The following FGF12 variants were observed in gnomAD, a reference collection of about 807,000 sequenced individuals.
FGF12 encodes fibroblast growth factor 12, also known as fibroblast growth factor 12B.
Under a neutral mutation model 23.6 loss-of-function variants are expected in FGF12, and 14 were observed. The ratio of observed to expected loss-of-function variants is 0.59; its 90% CI spans 0.39 to 0.93. The LOEUF (loss-of-function observed/expected upper bound fraction) is 0.93, where lower values mean the gene tolerates loss of function less well. Among genes scored for constraint, FGF12 ranks in the 40% least tolerant of loss-of-function variants. The pLI is 0.00. For synonymous variants in FGF12, 62 were observed against 77.3 expected (o/e 0.80, Z 1.04); for missense variants, 175 against 217.8 (o/e 0.80, Z 1.24).
chr3:192,598,898 G>A (rs915612152), intron 2 of FGF12, among the ~76,000 whole-genome samples: 5 of 152,064 alleles, frequency 3.3e-5, no homozygotes, highest in African/African-American at 1.2e-4. Flanking sequence ...CAAAGAAAAC[G>A]TGGCACATAT....
At chr3:192,512,531 A>G (rs1724511417) in intron 2 of FGF12, among the ~76,000 whole-genome samples, 1 of 152,046 alleles carries the variant, frequency 6.6e-6, no homozygotes, top group African/African-American at 2.4e-5. Context: ...TTAGGTAGGT[A>G]CCATTATTAT....
intron 4 of FGF12, among the ~76,000 whole-genome samples, chr3:192,222,554 G>A (rs1031092911): frequency 2.6e-5 from 4 of 152,046 alleles, no homozygotes; most frequent in African/African-American, 4.8e-5. Flanking sequence ...TGTTCTTTAG[G>A]AAGCTCAGTT....
intron 2 of FGF12, among the ~76,000 whole-genome samples, chr3:192,703,598 C>A (rs574939987): frequency 6.6e-6 from 1 of 152,260 alleles, no homozygotes. Context: ...AGCATTTTAC[C>A]CACAGTAGAA....
intron 2 of FGF12, among the ~76,000 whole-genome samples, chr3:192,709,167 C>T (rs2108737152): frequency 6.6e-6 from 1 of 152,284 alleles, no homozygotes; most frequent in Admixed American, 6.5e-5. Flanking sequence ...AAGCTTCATC[C>T]AGACAACTAT....
chr3:192,247,032 A>AGAAGGAAG (rs71177355), intron 4 of FGF12, among the ~76,000 whole-genome samples: 121 of 86,386 alleles, frequency 1.4e-3, no homozygotes, highest in African/African-American at 2.4e-3. Context: ...AGGGAAGGAA[A>AGAAGGAAG]GAAGGAAGGA....
chr3:192,268,308 C>T (rs1393158188), intron 4 of FGF12, among the ~76,000 whole-genome samples: 1 of 152,082 alleles, frequency 6.6e-6, no homozygotes, highest in Non-Finnish European at 1.5e-5. Flanking sequence ...GCTGTGGTGG[C>T]CTTTATCTAA....
At chr3:192,463,367 C>T (rs1722917316) in intron 2 of FGF12, among the ~76,000 whole-genome samples, 1 of 152,032 alleles carries the variant, frequency 6.6e-6, no homozygotes, top group South Asian at 2.1e-4. Flanking sequence ...TTGCAGTGAG[C>T]TGAGGTTGCA....
At chr3:192,527,350 GA>G (rs1724968570) in intron 2 of FGF12, among the ~76,000 whole-genome samples, 1 of 152,190 alleles carries the variant, frequency 6.6e-6, no homozygotes, top group Admixed American at 6.5e-5. Flanking sequence ...ACTAGTTTAG[GA>G]TAAAGATCCT....
intron 5 of FGF12, among the ~76,000 whole-genome samples, chr3:192,152,772 G>GA (rs1254119551): frequency 1.8e-5 from 2 of 113,340 alleles, no homozygotes; most frequent in Admixed American, 1.0e-4. Context: ...GTGTGGTGCT[G>GA]AAAAAAATGT....
rs1467904723 is a variant in FGF12, at chr3:192,141,975, T to C, written c.*2034A>G. The stretch of plus-strand genomic sequence containing the variant: ...AGTGACAGGTGTATTTATAATCAAG[T>C]TGAATCAAGAGTGACAAGAAGAAAT... On this transcript the variant is annotated 3_prime_UTR_variant, in exon 6 of 6. Transcript: ENST00000445105. The C allele has an allele frequency of 6.6e-6, 1 of 152,230 alleles. No individual in the cohort carries two copies. The highest frequency in any genetic ancestry group is 2.4e-5 in the African/African-American group (1 of 41,378). The allele number at this position is 152,230 out of a possible 1,614,324, so 9.4% of individuals were successfully genotyped here.
At chr3:192,318,485 A>C (rs558023819) in intron 4 of FGF12, among the ~76,000 whole-genome samples, 1 of 152,314 alleles carries the variant, frequency 6.6e-6, no homozygotes, top group South Asian at 2.1e-4. Flanking sequence ...ATCAAGCAGA[A>C]TAAAGACTTG....
chr3:192,342,224 CAT>C (rs886092120), intron 3 of FGF12, among the ~76,000 whole-genome samples: 26 of 152,266 alleles, frequency 1.7e-4, no homozygotes, highest in African/African-American at 5.8e-4. Flanking sequence ...TCTCCTTACA[CAT>C]GTTTATTCAT....
At chr3:192,339,204 A>G (rs1717567965) in intron 3 of FGF12, among the ~76,000 whole-genome samples, 1 of 152,190 alleles carries the variant, frequency 6.6e-6, no homozygotes, top group African/African-American at 2.4e-5. Context: ...AAAGGTCCTC[A>G]TCTGCCTCCT....
chr3:192,532,629 G>T (rs543633111), intron 2 of FGF12, among the ~76,000 whole-genome samples: 5 of 152,052 alleles, frequency 3.3e-5, no homozygotes, highest in South Asian at 4.2e-4. Context: ...GTTCTTAAAG[G>T]CAGAGTTTAA....
At chr3:192,378,763 A>C (rs1719684988) in intron 2 of FGF12, among the ~76,000 whole-genome samples, 1 of 151,910 alleles carries the variant, frequency 6.6e-6, no homozygotes, top group African/African-American at 2.4e-5. Context: ...TCTATATTTT[A>C]ACTTTTATTT....
intron 4 of FGF12, among the ~76,000 whole-genome samples, chr3:192,194,759 A>C (rs1366253619): frequency 6.6e-6 from 1 of 152,160 alleles, no homozygotes; most frequent in Non-Finnish European, 1.5e-5. Context: ...ACCTAACTAT[A>C]ATAAGACTTT....
rs2108841937 is a variant in FGF12, at chr3:192,514,505, A to C, written c.14-153967T>G. On this transcript the variant is annotated intron_variant, in intron 2 of 5. Coordinates refer to ENST00000445105, the MANE Select transcript of FGF12 (RefSeq NM_004113.6). The surrounding 1 kb of genome is among the most constrained non-coding windows in gnomAD (Gnocchi z 4.9). ...TTTAAAAGAAAAAATACCCACAGAC[A>C]GAACCAGCGGAGGGGCCCTGACCTC... Among the ~76,000 whole-genome samples, 1 of 152,354 alleles carries C rather than the reference A, an allele frequency of 6.6e-6. No homozygotes were observed. The highest frequency in any genetic ancestry group is 2.1e-4 in the South Asian group (1 of 4,828).
At chr3:192,525,838 C>T (rs1201714160) in intron 2 of FGF12, among the ~76,000 whole-genome samples, 1 of 152,090 alleles carries the variant, frequency 6.6e-6, no homozygotes. Context: ...GCAGTGGCAC[C>T]GTCTTGGCTC....
intron 2 of FGF12, among the ~76,000 whole-genome samples, chr3:192,639,379 C>T (rs1458499594): frequency 1.3e-5 from 2 of 152,198 alleles, no homozygotes; most frequent in Non-Finnish European, 2.9e-5. Flanking sequence ...TAACCATTAT[C>T]GAAAGCAGTA....
Sources: gnomAD v4.1 joint callset for allele counts (sites outside exome capture counted in the v4.1 genomes callset) on GRCh38, gnomAD v4.1.1 for gene constraint, Gnocchi (gnomAD v3.1) non-coding constraint, MANE v1.5 for transcripts, NCBI Gene and HGNC (gene_info 2026-07-23, HGNC 2026-07-21) for gene names.